Variants in CCNA1 observed in about 807,000 individuals in gnomAD.
CCNA1 encodes cyclin A1, also known as cyclin-A1.
A neutral mutation model predicts 54.1 loss-of-function variants in CCNA1; 23 were observed. The ratio of observed to expected loss-of-function variants is 0.42; its 90% CI spans 0.31 to 0.60. The LOEUF (loss-of-function observed/expected upper bound fraction) is 0.60. Ranked by LOEUF, CCNA1 falls within the 20% of genes least tolerant of loss-of-function variation. The probability of loss-of-function intolerance (pLI) is 0.14; values close to 1 mark genes in which losing one functional copy is unlikely to be tolerated. For missense variants in CCNA1, 450 were observed against 556.7 expected (o/e 0.81, Z 1.93); for synonymous variants, 208 against 213.9 (o/e 0.97, Z 0.24).
upstream of CCNA1, chr13:36,431,991 G>T (rs998920517): frequency 3.3e-5 from 5 of 152,978 alleles, no homozygotes; most frequent in African/African-American, 1.2e-4. Context: ...TGGGGTGGGC[G>T]AGTCCGCCCT....
At position 36,433,082 on chromosome 13, in the gene CCNA1, G is replaced by C. The variant is rs2055736423; in HGVS notation, c.158G>C (p.Gly53Ala). ...ATGCACTGCAGCAACCCCAAGAGTG[G>C]AGTTGTGCTGGCTACAGTGGCCCGA... The change falls in exon 2 of 9, where the codon GGA becomes GCA. Residue 53 changes from glycine to alanine, a missense_variant. Gly to Ala is a moderately conservative substitution (Grantham distance 60). This residue lies in a region of CCNA1 where 103 missense variants were observed against 100.9 expected (regional missense o/e 1.02). Transcript: ENST00000255465. 6.2e-7 allele frequency: 1 copy of C among 1,614,076 alleles called. No individual in the cohort carries two copies. Among genetic ancestry groups the C allele is most frequent in the Non-Finnish European group, 8.5e-7 (1 of 1,180,032 alleles).
At chr13:36,438,610 C>A in intron 4 of CCNA1, 34 bp from the exon 5 acceptor site, 1 of 1,469,358 alleles carries the variant, frequency 6.8e-7, no homozygotes, top group Non-Finnish European at 9.5e-7. Context: ...TCTGAAATTG[C>A]AACTACTAAA....
At chr13:36,433,610 G>A (rs1272269133) in intron 2 of CCNA1, among the ~76,000 whole-genome samples, 1 of 146,594 alleles carries the variant, frequency 6.8e-6, no homozygotes, top group African/African-American at 2.5e-5. Context: ...ACGCGATCTC[G>A]GCTCACTGCA....
Position 36,439,978 on chromosome 13 carries a change from G to T in CCNA1, c.894-1G>T. 1 of 1,604,630 alleles carries T rather than the reference G, an allele frequency of 6.2e-7. No individual in the cohort carries two copies. Among genetic ancestry groups the T allele is most frequent in the South Asian group, 1.1e-5 (1 of 90,868 alleles). ...ACTTCTGAAAACTCTTCCTTTCCCA[G>T]GAAATATGAAGAGATATATCCTCCT... On this transcript the variant is annotated splice_acceptor_variant, in intron 5 of 8. Transcript: ENST00000255465. LOFTEE classifies it high-confidence loss of function.
intron 4 of CCNA1, among the ~76,000 whole-genome samples, 200 bp from the exon 5 acceptor site, chr13:36,438,444 C>A (rs910192345): frequency 2.0e-5 from 3 of 152,082 alleles, no homozygotes; most frequent in African/African-American, 7.2e-5. Flanking sequence ...CCCTGCCCCC[C>A]CAACCCCAGG....
intron 6 of CCNA1, among the ~76,000 whole-genome samples, chr13:36,440,862 A>G (rs932912374): frequency 6.6e-6 from 1 of 152,238 alleles, no homozygotes; most frequent in Non-Finnish European, 1.5e-5. Context: ...AACTATTAGC[A>G]TAAGAAAAGT....
intron 2 of CCNA1, among the ~76,000 whole-genome samples, chr13:36,437,119 C>A (rs1442888513): frequency 6.6e-6 from 1 of 152,158 alleles, no homozygotes; most frequent in Non-Finnish European, 1.5e-5. Context: ...AATTTAGCAG[C>A]ATCAGTTTCC....
At chr13:36,436,180 C>A (rs2055803047) in intron 2 of CCNA1, among the ~76,000 whole-genome samples, 1 of 152,176 alleles carries the variant, frequency 6.6e-6, no homozygotes, top group Non-Finnish European at 1.5e-5. Flanking sequence ...CACTCCTTTG[C>A]CCAAAATTCC....
At chr13:36,435,685 T>C (rs1566170782) in intron 2 of CCNA1, among the ~76,000 whole-genome samples, 1 of 152,220 alleles carries the variant, frequency 6.6e-6, no homozygotes, top group African/African-American at 2.4e-5. Context: ...AGCCTCTTAG[T>C]CTCCTAGCAT....
chr13:36,438,921 A>C, intron 5 of CCNA1, 54 bp downstream of exon 5: 1 of 1,334,510 alleles, frequency 7.5e-7, no homozygotes, highest in South Asian at 1.2e-5. Context: ...CAAAACATGG[A>C]ATTTTTGTCC....
intron 5 of CCNA1, among the ~76,000 whole-genome samples, chr13:36,439,363 A>G (rs2055848419): frequency 6.6e-6 from 1 of 152,184 alleles, no homozygotes; most frequent in Non-Finnish European, 1.5e-5. Flanking sequence ...AGCTACCTTT[A>G]AGTGACCTGT....
intron 2 of CCNA1, among the ~76,000 whole-genome samples, chr13:36,435,334 TGTCCATTACTTTGAACAGACCTGGGCCTG>T (rs1199844941): frequency 1.3e-5 from 2 of 152,254 alleles, no homozygotes; most frequent in African/African-American, 4.8e-5. Flanking sequence ...CACTGTTGTG[TGTCCATTACTTTGAACAGACCTGGGCCTG>T]GCCAGGATGG....
At chr13:36,431,729 T>C (rs1429152335), upstream of CCNA1, 1 of 152,170 alleles carries the variant, frequency 6.6e-6, no homozygotes, top group East Asian at 1.9e-4. Context: ...GCGACTGCAC[T>C]TGGGGCAGCC....
chr13:36,438,773 C>T lies in CCNA1; in HGVS notation c.799C>T (p.Leu267=). 6.2e-7 allele frequency: 1 copy of T among 1,614,100 alleles called. No homozygotes were observed. Among genetic ancestry groups the T allele is most frequent in the Non-Finnish European group, 8.5e-7 (1 of 1,179,982 alleles). ...TAAACTTCGAGCAGAGACCCTGTAT[C>T]TGGCTGTCAACTTCCTGGACAGGTT... The change falls in exon 5 of 9, where the codon CTG becomes TTG. Residue 267 remains leucine (L), a synonymous_variant. Coordinates refer to ENST00000255465, the MANE Select transcript of CCNA1 (RefSeq NM_003914.4).
intron 2 of CCNA1, among the ~76,000 whole-genome samples, chr13:36,433,743 G>T (rs2055766403): frequency 6.6e-6 from 1 of 151,888 alleles, no homozygotes; most frequent in Admixed American, 6.6e-5. Flanking sequence ...ATTTCACCAT[G>T]TTGGCCAGGC....
chr13:36,433,372 TTCTTTCTTTCTTTC>T (rs1181066876), intron 2 of CCNA1, 151 bp downstream of exon 2: 1,092 of 79,454 alleles, frequency 0.014, 51 homozygotes, highest in African/African-American at 0.062. Flanking sequence ...TTGATTTATT[TTCTTTCTTTCTTTC>T]TTTCTTTCTT....
intron 1 of CCNA1, 87 bp from the exon 2 acceptor site, chr13:36,432,946 T>C (rs2055733942): frequency 1.6e-6 from 2 of 1,279,698 alleles, no homozygotes; most frequent in Admixed American, 3.7e-5. Flanking sequence ...TGCTTGGTGC[T>C]CTCCCTCCTA....
chr13:36,435,198 A>G (rs1566170596), intron 2 of CCNA1, among the ~76,000 whole-genome samples: 1 of 152,248 alleles, frequency 6.6e-6, no homozygotes, highest in African/African-American at 2.4e-5. Flanking sequence ...AATTTAAGTA[A>G]TGGGACAGAA....
intron 5 of CCNA1, among the ~76,000 whole-genome samples, chr13:36,439,524 C>G (rs1449968108): frequency 6.6e-6 from 1 of 152,198 alleles, no homozygotes; most frequent in Non-Finnish European, 1.5e-5. Context: ...TGTCTCTTGG[C>G]TATAAGCATC....
Sources: allele counts gnomAD v4.1 joint callset (sites outside exome capture counted in the v4.1 genomes callset), GRCh38; gene constraint gnomAD v4.1.1; regional missense constraint gnomAD v4.1.1; transcripts MANE v1.5; gene names NCBI Gene and HGNC (gene_info 2026-07-23, HGNC 2026-07-21).